The following CSRNP3 variants were observed in gnomAD, a reference collection of about 807,000 sequenced individuals.
CSRNP3 encodes cysteine and serine rich nuclear protein 3.
A neutral mutation model predicts 48.0 loss-of-function variants in CSRNP3; 12 were observed. The ratio of observed to expected loss-of-function variants is 0.25; its 90% CI spans 0.16 to 0.41. The LOEUF is 0.41. Ranked by LOEUF, CSRNP3 falls within the 10% of genes least tolerant of loss-of-function variation. The pLI is 1.00. For missense variants in CSRNP3, 580 were observed against 724.4 expected (o/e 0.80, Z 2.29); for synonymous variants, 263 against 269.7 (o/e 0.98, Z 0.24).
intron 1 of CSRNP3, among the ~76,000 whole-genome samples, chr2:165,482,298 C>T (rs1684057174): frequency 6.8e-6 from 1 of 148,004 alleles, no homozygotes; most frequent in African/African-American, 2.5e-5. Flanking sequence ...GAGCCTTGCT[C>T]TGTTGCCCAG....
At chr2:165,663,748 A>G (rs1687133749) in intron 5 of CSRNP3, among the ~76,000 whole-genome samples, 1 of 152,206 alleles carries the variant, frequency 6.6e-6, no homozygotes, top group East Asian at 1.9e-4. Context: ...GTTGCTCACT[A>G]AAGTGGATTG....
At chr2:165,493,734 A>G (rs925340349) in intron 1 of CSRNP3, among the ~76,000 whole-genome samples, 1 of 152,072 alleles carries the variant, frequency 6.6e-6, no homozygotes, top group East Asian at 1.9e-4. Context: ...CTTACTACCT[A>G]CTGTCTCCTT....
chr2:165,477,295 C>T (rs1275092717), intron 1 of CSRNP3, among the ~76,000 whole-genome samples: 2 of 151,230 alleles, frequency 1.3e-5, no homozygotes, highest in Non-Finnish European at 2.9e-5. Context: ...CTAACGTACA[C>T]TAAGACTTTT....
chr2:165,549,159 T>C (rs1350788536), intron 3 of CSRNP3, among the ~76,000 whole-genome samples: 1 of 152,026 alleles, frequency 6.6e-6, no homozygotes, highest in Non-Finnish European at 1.5e-5. Context: ...AATTTTGAGC[T>C]GGTGATTCAT....
intron 3 of CSRNP3, among the ~76,000 whole-genome samples, chr2:165,546,495 T>C (rs1231808970): frequency 6.6e-6 from 1 of 152,166 alleles, no homozygotes; most frequent in African/African-American, 2.4e-5. Flanking sequence ...CTAGCCTCTC[T>C]GTCTTCTGTA....
chr2:165,508,179 G>T (rs1486113300), intron 2 of CSRNP3, among the ~76,000 whole-genome samples: 1 of 152,020 alleles, frequency 6.6e-6, no homozygotes, highest in African/African-American at 2.4e-5. Context: ...CTGCAGTTTA[G>T]CTGTGTTCCC....
rs774848064 is a variant in CSRNP3 at position 165,678,989 on chromosome 2, T to C, written c.994T>C (p.Ser332Pro). Reference protein sequence around the residue: ...EPQAAVLHLQSAEELDCQGEE... With the variant: ...EPQAAVLHLQPAEELDCQGEE... Reference sequence around the variant, plus strand: ...CCAGGCTGCAGTGCTGCACCTGCAGTCGGCTGAAGAATTAGATTGCCAAGG... The same window carrying C: ...CCAGGCTGCAGTGCTGCACCTGCAGCCGGCTGAAGAATTAGATTGCCAAGG... The change falls in exon 7 of 7, where the codon TCG (serine) becomes CCG (proline). Residue 332 changes from serine to proline, a missense_variant. Ser to Pro is a moderately conservative substitution (Grantham distance 74, BLOSUM62 -1). Coordinates refer to ENST00000651982, the MANE Select transcript of CSRNP3 (RefSeq NM_001172173.2). 7.4e-6 allele frequency: 12 copies of C among 1,613,902 alleles called. No individual in the cohort carries two copies. The South Asian group carries it at 1.3e-4, about 18-fold the overall frequency.
intron 2 of CSRNP3, among the ~76,000 whole-genome samples, chr2:165,506,114 A>G (rs1684422809): frequency 6.6e-6 from 1 of 152,024 alleles, no homozygotes; most frequent in Non-Finnish European, 1.5e-5. Context: ...ATTTTCTCCT[A>G]CCCATATATG....
chr2:165,549,411 C>T (rs1258764811), intron 3 of CSRNP3, among the ~76,000 whole-genome samples: 2 of 151,966 alleles, frequency 1.3e-5, no homozygotes, highest in South Asian at 2.1e-4. Flanking sequence ...ACAAGTTAAT[C>T]GCAACTGGTT....
At chr2:165,471,299 T>C in intron 1 of CSRNP3, among the ~76,000 whole-genome samples, 1 of 152,044 alleles carries the variant, frequency 6.6e-6, no homozygotes. Flanking sequence ...TTCTAATTAT[T>C]GATGGATCTT....
chr2:165,546,470 C>T (rs1035633413), intron 3 of CSRNP3, among the ~76,000 whole-genome samples: 1 of 152,162 alleles, frequency 6.6e-6, no homozygotes, highest in African/African-American at 2.4e-5. Flanking sequence ...GGATTACAGG[C>T]ATGAGCCACC....
intron 1 of CSRNP3, among the ~76,000 whole-genome samples, chr2:165,490,806 G>T (rs1409318267): frequency 7.3e-6 from 1 of 136,630 alleles, no homozygotes; most frequent in Admixed American, 7.6e-5. Context: ...ATTCAAGATG[G>T]ATTAAAGATT....
At position 165,687,564 on chromosome 2, in the gene CSRNP3, ACTC is replaced by A. The variant is rs1296530397; in HGVS notation, c.*7817_*7819del. 2 of 151,886 alleles carry A rather than the reference ACTC, an allele frequency of 1.3e-5. No individual in the cohort carries two copies. The highest frequency in any genetic ancestry group is 2.9e-5 in the Non-Finnish European group (2 of 67,966). 9.4% of individuals were successfully genotyped at this position (151,886 alleles called of 1,614,324 possible). ...ACAAATAAGAATCCAAAGTTTTTCC[ACTC>A]CTCCTGTGGGAGATAGGAATAGTTG... is the stretch of plus-strand genomic sequence containing the variant. On this transcript the variant is annotated 3_prime_UTR_variant, in exon 7 of 7. Transcript: ENST00000651982.
intron 4 of CSRNP3, among the ~76,000 whole-genome samples, chr2:165,641,111 C>G (rs1558959256): frequency 2.0e-5 from 3 of 152,202 alleles, no homozygotes; most frequent in Non-Finnish European, 4.4e-5. Context: ...AATGTTTAAA[C>G]ATGCATATCA....
intron 3 of CSRNP3, among the ~76,000 whole-genome samples, chr2:165,553,972 A>G (rs1558932838): frequency 6.6e-6 from 1 of 152,176 alleles, no homozygotes. Context: ...TCAAAGAGCT[A>G]TTTATCCTCT....
chr2:165,537,483 G>A (rs1684896312), intron 3 of CSRNP3, among the ~76,000 whole-genome samples: 1 of 149,736 alleles, frequency 6.7e-6, no homozygotes, highest in Admixed American at 6.8e-5. Context: ...CATATTATAA[G>A]TAGCTCAAAG....
chr2:165,472,551 T>A (rs1420465811), intron 1 of CSRNP3, among the ~76,000 whole-genome samples: 11 of 151,996 alleles, frequency 7.2e-5, no homozygotes, highest in Non-Finnish European at 1.3e-4. Context: ...TTTAAAACAT[T>A]TTTATTATAA....
chr2:165,680,813 AACTC>A lies in CSRNP3; in HGVS notation c.*1062_*1065del, dbSNP rs1687522981. On this transcript the variant is annotated 3_prime_UTR_variant, in exon 7 of 7. Transcript: ENST00000651982. Reference sequence around the variant, plus strand: ...TTTTCCTTCACCACTCTGAGGACCTAACTCAGTAAATGCAGAGGAGGCTGAGGAA... The same window carrying A: ...TTTTCCTTCACCACTCTGAGGACCTAAGTAAATGCAGAGGAGGCTGAGGAA... 6.6e-6 allele frequency: 1 copy of A among 152,170 alleles called. No individual in the cohort carries two copies. The highest frequency in any genetic ancestry group is 1.5e-5 in the Non-Finnish European group (1 of 68,042). The allele number at this position is 152,170 out of a possible 1,614,324, so 9.4% of individuals were successfully genotyped here. A position where few individuals can be genotyped will look rare whatever the true frequency, so the allele number is the denominator to read the frequency against.
At chr2:165,506,152 G>A (rs549703714) in intron 2 of CSRNP3, among the ~76,000 whole-genome samples, 7 of 152,062 alleles carry the variant, frequency 4.6e-5, no homozygotes, top group Non-Finnish European at 7.4e-5. Context: ...GATGATCTGC[G>A]GAAGATGTCT....
Sources: gnomAD v4.1 joint callset for allele counts (sites outside exome capture counted in the v4.1 genomes callset) on GRCh38, gnomAD v4.1.1 for gene constraint, MANE v1.5 for transcripts, NCBI Gene and HGNC (gene_info 2026-07-23, HGNC 2026-07-21) for gene names.